Variants in SMARCA4 observed in about 807,000 individuals in gnomAD.
SMARCA4 encodes the protein SWI/SNF related BAF chromatin remodeling complex subunit ATPase 4.
Under a neutral mutation model 193.9 loss-of-function variants are expected in SMARCA4, and 31 were observed. The observed-to-expected ratio is 0.16, with a 90% confidence interval of 0.12 to 0.22. The LOEUF (loss-of-function observed/expected upper bound fraction) is 0.22, where lower values mean the gene tolerates loss of function less well. SMARCA4 is among the 10% of genes least tolerant of loss of function. The pLI, the probability that SMARCA4 is intolerant of heterozygous loss-of-function variation, is 1.00. For missense variants in SMARCA4, 1,148 were observed against 2,296.0 expected, an observed-to-expected ratio of 0.50 and a Z score of 10.22; for synonymous variants, 942 against 933.1, an observed-to-expected ratio of 1.01 and a Z score of -0.17.
chr19:11,054,032 A>G (rs2076406120), intron 30 of SMARCA4, among the ~76,000 whole-genome samples: 1 of 152,214 alleles, frequency 6.6e-6, no homozygotes, highest in African/African-American at 2.4e-5. Context: ...GCTGCTTGGA[A>G]GAGCCTGTGA....
intron 1 of SMARCA4, among the ~76,000 whole-genome samples, chr19:10,964,041 T>C (rs184597762): frequency 2.2e-4 from 33 of 152,336 alleles, no homozygotes; most frequent in Non-Finnish European, 1.5e-5. Flanking sequence ...GACGTAAATG[T>C]TGATCGTGCA....
intron 15 of SMARCA4, chr19:11,010,857 C>T: frequency 2.5e-6 from 1 of 400,854 alleles, no homozygotes; most frequent in East Asian, 5.7e-5. Context: ...AGCACCTCCT[C>T]AGCATCGCAC....
Position 11,019,127 on chromosome 19 carries a change from G to C in SMARCA4, c.2505+104G>C, listed in dbSNP as rs1361470474. ...TGGACAGTGAACCTGAGAATGCTGG[G>C]TCTCCAGTCGCATGGAGTCTCCAGG... On this transcript the variant is annotated intron_variant, in intron 17 of 34. Transcript: ENST00000344626. The surrounding 1 kb of genome is among the most constrained non-coding windows in gnomAD (Gnocchi z 6.1). The C allele has an allele frequency of 3.4e-6, 3 of 891,634 alleles. No individual in the cohort carries two copies. Among genetic ancestry groups the C allele is most frequent in the African/African-American group, 3.3e-5 (2 of 60,932 alleles). 55.2% of individuals were successfully genotyped at this position (891,634 alleles called of 1,614,324 possible).
chr19:11,024,371 G>T lies in SMARCA4; in HGVS notation c.3014G>T (p.Arg1005Leu). Residue 1005 changes from arginine (R) to leucine (L), a missense_variant, in exon 21 of 35, where the codon CGA becomes CTA. Transcript: ENST00000344626. The part of the protein sequence containing the change: ...VIKCDMSALQ[R>L]VLYRHMQAKG... The stretch of plus-strand genomic sequence containing the variant: ...AAGTGCGACATGTCTGCGCTGCAGC[G>T]AGTGCTCTACCGCCACATGCAGGCC... The T allele has an allele frequency of 6.2e-7, 1 of 1,613,072 alleles. No individual in the cohort carries two copies. Among genetic ancestry groups the T allele is most frequent in the Non-Finnish European group, 8.5e-7 (1 of 1,179,834 alleles).
intron 1 of SMARCA4, among the ~76,000 whole-genome samples, chr19:10,974,685 ATATATTTTTTTTTT>A (rs2084965349): frequency 2.1e-5 from 1 of 48,728 alleles, no homozygotes. Context: ...ATATATATAT[ATATATTTTTTTTTT>A]TTTTTTTTTT....
Position 11,019,011 on chromosome 19 carries a change from G to A in SMARCA4, c.2493G>A (p.Lys831=), listed in dbSNP as rs1600252369. Residue 831 remains lysine, a synonymous_variant, in exon 17 of 35, where the codon AAG becomes AAA. Coordinates refer to ENST00000344626, the MANE Select transcript of SMARCA4 (RefSeq NM_003072.5). The surrounding 1 kb of genome is among the most constrained non-coding windows in gnomAD (Gnocchi z 6.1). ...ACAAGTGGGCCCCCTCCGTGGTGAA[G>A]GTGTCTTACAAGGTAGGTCACAGCC... ...EFDKWAPSVV[K]VSYKGSPAAR... 1.9e-6 allele frequency: 3 copies of A among 1,614,052 alleles called. No homozygotes were observed. The highest frequency in any genetic ancestry group is 1.1e-5 in the South Asian group (1 of 91,084).
intron 11 of SMARCA4, among the ~76,000 whole-genome samples, chr19:11,002,369 C>G (rs1009394337): frequency 5.9e-5 from 9 of 152,286 alleles, no homozygotes; most frequent in African/African-American, 2.2e-4. Context: ...GTCCCAGCTA[C>G]TCTGGAGGCT....
chr19:11,055,595 T>TG (rs908571095), intron 30 of SMARCA4, among the ~76,000 whole-genome samples: 3 of 152,122 alleles, frequency 2.0e-5, no homozygotes, highest in African/African-American at 7.2e-5. Flanking sequence ...GTCACAGCCC[T>TG]GGGGTCTCAC....
chr19:11,040,959 T>G, intron 29 of SMARCA4: 1 of 237,400 alleles, frequency 4.2e-6, no homozygotes, highest in Non-Finnish European at 8.2e-6. Context: ...ATGGGGAGAG[T>G]GTGGAACAGA....
Position 11,010,539 on chromosome 19 carries a change from AGG to A in SMARCA4, c.2274+12_2274+13del, listed in dbSNP as rs878854205. ...GTCCTCAAACAGTACCAGGTGAGGT[AGG>A]GGGTGGGGAGGCCACCGCCACGTAG... On this transcript the variant is annotated intron_variant, in intron 15 of 34. Coordinates refer to ENST00000344626, the MANE Select transcript of SMARCA4 (RefSeq NM_003072.5). 1.6e-4 allele frequency: 260 copies of A among 1,612,924 alleles called. No homozygotes were observed. Among genetic ancestry groups the A allele is most frequent in the Non-Finnish European group, 2.1e-4 (249 of 1,179,834 alleles).
In SMARCA4 at chr19:10,985,251, C is replaced by G. The variant is rs374573270; in HGVS notation, c.223-22C>G. ...CTCACGTTCCACATGCTGACCCTGC[C>G]TTGCCATGGTCCCTCTCGCAGCCCA... On this transcript the variant is annotated intron_variant, in intron 2 of 34. Coordinates refer to ENST00000344626, the MANE Select transcript of SMARCA4 (RefSeq NM_003072.5). The surrounding 1 kb of genome is among the most constrained non-coding windows in gnomAD (Gnocchi z 4.5). The G allele has an allele frequency of 7.4e-6, 12 of 1,613,576 alleles. No homozygotes were observed. Among genetic ancestry groups the G allele is most frequent in the African/African-American group, 1.3e-5 (1 of 74,870 alleles).
chr19:11,047,139 C>T (rs552496477), intron 30 of SMARCA4, among the ~76,000 whole-genome samples: 7 of 152,162 alleles, frequency 4.6e-5, no homozygotes, highest in South Asian at 2.1e-4. Context: ...CCTCAAGTGC[C>T]GTCATTCTCT....
At position 11,054,978 on chromosome 19, in the gene SMARCA4, C is replaced by T. The variant is rs75746415; in HGVS notation, c.4425-3277C>T. Among the ~76,000 whole-genome samples the T allele has an allele frequency of 2.1e-3, 313 of 152,156 alleles. 4 individuals are homozygous for T. Among genetic ancestry groups the T allele is most frequent in the African/African-American group, 7.2e-3 (299 of 41,500 alleles). On this transcript the variant is annotated intron_variant, in intron 30 of 34. Transcript: ENST00000344626. Reference sequence around the variant, plus strand: ...AGGACTCCGGGTTTCATTCCAAGTGCGGGGAGGCTGCAGCATGTCCCTCTT... The same window carrying T: ...AGGACTCCGGGTTTCATTCCAAGTGTGGGGAGGCTGCAGCATGTCCCTCTT...
At chr19:11,028,269 C>G (rs1461447413) in intron 24 of SMARCA4, among the ~76,000 whole-genome samples, 5 of 152,214 alleles carry the variant, frequency 3.3e-5, no homozygotes, top group African/African-American at 1.2e-4. Flanking sequence ...GGAAAGAAAG[C>G]ACCAATAGGC....
intron 8 of SMARCA4, among the ~76,000 whole-genome samples, chr19:10,992,420 ATTTT>A (rs927402603): frequency 3.4e-5 from 4 of 118,544 alleles, no homozygotes; most frequent in African/African-American, 6.4e-5. Context: ...CCTGGCCAAC[ATTTT>A]TTTTTTTTTT....
chr19:11,025,345 A>T, intron 21 of SMARCA4, 77 bp from the exon 22 acceptor site: 1 of 920,578 alleles, frequency 1.1e-6, no homozygotes. Flanking sequence ...CCTTCTCCCA[A>T]CACCCACCCA....
chr19:10,997,638 A>T (rs141704578), intron 11 of SMARCA4, among the ~76,000 whole-genome samples: 2 of 151,810 alleles, frequency 1.3e-5, no homozygotes, highest in African/African-American at 4.8e-5. Context: ...ATTTTTTAAA[A>T]TTTATTTTCT....
rs531701493 is a variant in SMARCA4, at chr19:10,981,159, C to T, written c.-31-2962C>T. Reference sequence around the variant, plus strand: ...GAAGTATGTGGCAGTCCTGCTGTCCCTTTTCCTACCTCATTGCAACACTCT... The same window carrying T: ...GAAGTATGTGGCAGTCCTGCTGTCCTTTTTCCTACCTCATTGCAACACTCT... On this transcript the variant is annotated intron_variant, in intron 1 of 34. Transcript: ENST00000344626. 2.6e-4 allele frequency among the ~76,000 whole-genome samples: 39 copies of T among 152,352 alleles called. No individual in the cohort carries two copies. The East Asian group carries it at 3.5e-3, about 14-fold the overall frequency.
Position 10,975,285 on chromosome 19 carries a change from G to A in SMARCA4, c.-31-8836G>A, listed in dbSNP as rs112802953. Reference sequence around the variant, plus strand: ...GCCTTCCTTGGCCTCCAAAGTGCTGGGATTATAGGCATTAACACCATATCC... The same window carrying A: ...GCCTTCCTTGGCCTCCAAAGTGCTGAGATTATAGGCATTAACACCATATCC... On this transcript the variant is annotated intron_variant, in intron 1 of 34. Transcript: ENST00000344626. 1.8e-3 allele frequency among the ~76,000 whole-genome samples: 270 copies of A among 149,526 alleles called. 1 individual carries two copies. Among genetic ancestry groups the A allele is most frequent in the Middle Eastern group, 7.0e-3 (2 of 284 alleles).
Sources: gnomAD v4.1 joint callset for allele counts (sites outside exome capture counted in the v4.1 genomes callset) on GRCh38, gnomAD v4.1.1 for gene constraint, Gnocchi (gnomAD v3.1) non-coding constraint, MANE v1.5 for transcripts, NCBI Gene and HGNC (gene_info 2026-07-23, HGNC 2026-07-21) for gene names.